The following ANO2 variants were observed in gnomAD, a reference collection of about 807,000 sequenced individuals.
ANO2 encodes the protein anoctamin 2.
Under a neutral mutation model 124.2 loss-of-function variants are expected in ANO2, and 101 were observed. The observed-to-expected ratio is 0.81, with a 90% CI of 0.69 to 0.96. ANO2 has a LOEUF of 0.96. Among genes scored for constraint, ANO2 ranks in the 40% least tolerant of loss-of-function variants. ANO2 has a pLI of 0.00. For missense variants in ANO2, 1,293 were observed against 1,274.5 expected (o/e 1.01, Z -0.22); for synonymous variants, 486 against 482.5 (o/e 1.01, Z -0.09).
chr12:5,811,846 A>C (rs376007837), intron 7 of ANO2, among the ~76,000 whole-genome samples: 15 of 152,236 alleles, frequency 9.9e-5, no homozygotes, highest in Non-Finnish European at 1.5e-4. Context: ...TGTGATGGGC[A>C]TTAATCCATA....
At chr12:5,802,911 G>A (rs887428764) in intron 9 of ANO2, among the ~76,000 whole-genome samples, 2 of 152,200 alleles carry the variant, frequency 1.3e-5, no homozygotes, top group Non-Finnish European at 2.9e-5. Context: ...CCCACCTGAT[G>A]GATCAGAGAT....
intron 3 of ANO2, among the ~76,000 whole-genome samples, chr12:5,892,053 AAG>A (rs1316807576): frequency 6.6e-6 from 1 of 152,080 alleles, no homozygotes; most frequent in African/African-American, 2.4e-5. Context: ...AATGAATAGA[AAG>A]AGACATTTTC....
At chr12:5,637,309 G>A (rs1432486923) in intron 15 of ANO2, among the ~76,000 whole-genome samples, 2 of 150,284 alleles carry the variant, frequency 1.3e-5, no homozygotes, top group African/African-American at 4.9e-5. Context: ...TGATGAGGCT[G>A]GGGAGGTGAG....
chr12:5,649,105 CAG>C (rs767123248), intron 14 of ANO2, among the ~76,000 whole-genome samples: 11 of 152,148 alleles, frequency 7.2e-5, no homozygotes, highest in Non-Finnish European at 1.5e-4. Context: ...GCTAAGGAAA[CAG>C]AGATGACACC....
intron 19 of ANO2, among the ~76,000 whole-genome samples, chr12:5,601,889 C>G (rs1943958736): frequency 6.6e-6 from 1 of 152,202 alleles, no homozygotes; most frequent in African/African-American, 2.4e-5. Flanking sequence ...ATCAACTGTT[C>G]ACAGTGGAAG....
At chr12:5,670,360 G>A (rs546206181) in intron 14 of ANO2, among the ~76,000 whole-genome samples, 1 of 152,288 alleles carries the variant, frequency 6.6e-6, no homozygotes, top group South Asian at 2.1e-4. Context: ...ATGCCATGAA[G>A]TCCTCATATT....
chr12:5,764,814 C>T (rs1321292528), intron 10 of ANO2, among the ~76,000 whole-genome samples: 1 of 152,162 alleles, frequency 6.6e-6, no homozygotes, highest in Non-Finnish European at 1.5e-5. Context: ...TCTCTCCACT[C>T]ACACAATTTA....
intron 14 of ANO2, among the ~76,000 whole-genome samples, chr12:5,665,395 C>T (rs251776): frequency 0.64 from 97,020 of 151,888 alleles, 31,353 homozygotes; most frequent in Middle Eastern, 0.73. Context: ...AATGGCTTTG[C>T]GTCTGTGCTT....
chr12:5,645,694 T>C (rs535396903), intron 15 of ANO2, among the ~76,000 whole-genome samples: 2 of 152,338 alleles, frequency 1.3e-5, no homozygotes, highest in African/African-American at 4.8e-5. Flanking sequence ...GGTTCTTTCA[T>C]ATGGTGCTTC....
rs538099709 is a variant in ANO2 at position 5,898,018 on chromosome 12, T to C, written c.534+23022A>G. Among the ~76,000 whole-genome samples the C allele has an allele frequency of 1.2e-4, 18 of 152,236 alleles. No homozygotes were observed. In the South Asian group the frequency reaches 2.9e-3, roughly 25 times the overall value. On this transcript the variant is annotated intron_variant, in intron 3 of 24. Transcript: ENST00000682330. ...CAACAAAAGATGTACCAAGTATAGA[T>C]GAAGAATCCCTTCATGTCAATATGA...
chr12:5,701,925 A>C (rs1475456768), intron 14 of ANO2, among the ~76,000 whole-genome samples: 3 of 152,250 alleles, frequency 2.0e-5, no homozygotes, highest in African/African-American at 7.2e-5. Flanking sequence ...ACAGCAGCTA[A>C]AACTCGATTA....
At chr12:5,682,479 G>A (rs1948538271) in intron 14 of ANO2, among the ~76,000 whole-genome samples, 1 of 152,112 alleles carries the variant, frequency 6.6e-6, no homozygotes, top group Non-Finnish European at 1.5e-5. Flanking sequence ...GTAGTAATGG[G>A]TCTGAGATAA....
At chr12:5,741,469 T>A (rs1829294069) in intron 12 of ANO2, among the ~76,000 whole-genome samples, 1 of 152,186 alleles carries the variant, frequency 6.6e-6, no homozygotes, top group African/African-American at 2.4e-5. Context: ...ATACTAAGAA[T>A]GGTAGTAAGT....
chr12:5,800,835 A>G (rs936353163), intron 9 of ANO2, among the ~76,000 whole-genome samples: 9 of 152,296 alleles, frequency 5.9e-5, no homozygotes, highest in Admixed American at 3.9e-4. Context: ...AGAGTTATTG[A>G]AGAGGAGGCA....
chr12:5,920,922 A>C (rs1364253925), intron 3 of ANO2, 118 bp downstream of exon 3: 49 of 1,245,112 alleles, frequency 3.9e-5, no homozygotes, highest in Non-Finnish European at 5.2e-5. Context: ...TCCAGCAGAA[A>C]AAAAAGTCCA....
intron 19 of ANO2, among the ~76,000 whole-genome samples, chr12:5,610,041 A>G (rs1247218522): frequency 1.5e-5 from 2 of 137,732 alleles, no homozygotes; most frequent in East Asian, 2.1e-4. Context: ...ATAGATAAAT[A>G]TAAATATATT....
chr12:5,876,539 A>G (rs1437697219), intron 3 of ANO2, among the ~76,000 whole-genome samples: 1 of 152,228 alleles, frequency 6.6e-6, no homozygotes. Flanking sequence ...TTTTATGTTT[A>G]TTGCAGCACT....
chr12:5,674,439 C>A (rs1948140831), intron 14 of ANO2, among the ~76,000 whole-genome samples: 2 of 152,146 alleles, frequency 1.3e-5, no homozygotes, highest in African/African-American at 4.8e-5. Flanking sequence ...TCCCCACGCA[C>A]AACCATGAGA....
intron 10 of ANO2, among the ~76,000 whole-genome samples, chr12:5,761,809 T>C (rs1006271428): frequency 2.6e-5 from 4 of 152,144 alleles, no homozygotes; most frequent in African/African-American, 9.6e-5. Context: ...TACTTTAACA[T>C]TGTTAGATTA....
Sources: allele counts gnomAD v4.1 joint callset (sites outside exome capture counted in the v4.1 genomes callset), GRCh38; gene constraint gnomAD v4.1.1; transcripts MANE v1.5; gene names NCBI Gene and HGNC (gene_info 2026-07-23, HGNC 2026-07-21).